Variants in WNK3 observed in about 807,000 individuals in gnomAD.
The protein encoded by WNK3 is WNK lysine deficient protein kinase 3.
A neutral mutation model predicts 116.7 loss-of-function variants in WNK3; 18 were observed. The ratio of observed to expected loss-of-function variants is 0.15; its 90% CI spans 0.11 to 0.23. The LOEUF is 0.23. Ranked by LOEUF, WNK3 falls within the 10% of genes least tolerant of loss-of-function variation. The pLI, the probability that WNK3 is intolerant of heterozygous loss-of-function variation, is 1.00. For missense variants in WNK3, 993 were observed against 1,323.8 expected, an observed-to-expected ratio of 0.75 and a Z score of 3.88; for synonymous variants, 404 against 469.4, an observed-to-expected ratio of 0.86 and a Z score of 1.80.
chrX:54,311,674 G>GTTGTTTTAT (rs2068888856), intron 2 of WNK3, among the ~76,000 whole-genome samples: 1 of 112,097 alleles, frequency 8.9e-6, no homozygotes, highest in Non-Finnish European at 1.9e-5. Context: ...CAATAAAAAT[G>GTTGTTTTAT]TTAAACATCT....
At chrX:54,297,596 G>T (rs1202279699) in intron 7 of WNK3, among the ~76,000 whole-genome samples, 4 of 109,710 alleles carry the variant, frequency 3.6e-5, no homozygotes, top group African/African-American at 1.0e-4. Context: ...AAAAATCTAG[G>T]TAGATATTAC....
intron 1 of WNK3, among the ~76,000 whole-genome samples, chrX:54,345,421 C>T (rs1234545637): frequency 9.1e-6 from 1 of 110,145 alleles, no homozygotes; most frequent in African/African-American, 3.3e-5. Flanking sequence ...AAAACATACT[C>T]GGAATGAACT....
At chrX:54,330,001 A>T (rs781939730) in intron 2 of WNK3, among the ~76,000 whole-genome samples, 1 of 111,920 alleles carries the variant, frequency 8.9e-6, no homozygotes, top group Non-Finnish European at 1.9e-5. Context: ...GCATTTTGGG[A>T]AGCCGAAGTG....
At chrX:54,317,317 G>A (rs781914402) in intron 2 of WNK3, among the ~76,000 whole-genome samples, 1 of 110,204 alleles carries the variant, frequency 9.1e-6, no homozygotes, top group South Asian at 3.9e-4. Context: ...ATGCCACCAT[G>A]CCCAGCTAAT....
At chrX:54,346,605 C>CA (rs57558276) in intron 1 of WNK3, among the ~76,000 whole-genome samples, 5 of 47,389 alleles carry the variant, frequency 1.1e-4, no homozygotes, top group East Asian at 1.2e-3. Flanking sequence ...GACTCTGTCT[C>CA]AAAAAAAAAA....
chrX:54,295,555 T>G (rs1357366254), intron 7 of WNK3, among the ~76,000 whole-genome samples: 1 of 112,266 alleles, frequency 8.9e-6, no homozygotes, highest in African/African-American at 3.2e-5. Context: ...CTTTGTCCTG[T>G]ATGAGCACAC....
At chrX:54,208,215 C>T (rs1557143054) in intron 22 of WNK3, among the ~76,000 whole-genome samples, 1 of 110,433 alleles carries the variant, frequency 9.1e-6, no homozygotes, top group East Asian at 2.8e-4. Context: ...AGCTCCGCCT[C>T]CCGGGTTCAT....
intron 2 of WNK3, among the ~76,000 whole-genome samples, chrX:54,329,247 G>C (rs1218097275): frequency 8.9e-6 from 1 of 111,742 alleles, no homozygotes; most frequent in Non-Finnish European, 1.9e-5. Context: ...GTTCTGACAA[G>C]CTCCCAGGTG....
chrX:54,313,954 G>A (rs1557170187), intron 2 of WNK3, among the ~76,000 whole-genome samples: 2 of 109,501 alleles, frequency 1.8e-5, no homozygotes, highest in Admixed American at 9.9e-5. Context: ...CACTTTGGGA[G>A]GCCAAGGCGG....
chrX:54,226,486 A>G (rs1352293317), intron 22 of WNK3, among the ~76,000 whole-genome samples: 5 of 102,840 alleles, frequency 4.9e-5, no homozygotes, highest in East Asian at 6.0e-4. Flanking sequence ...AAAAAAAAAA[A>G]AAGAAGAAGA....
chrX:54,263,074 G>C (rs1472565219), intron 10 of WNK3, among the ~76,000 whole-genome samples: 1 of 110,812 alleles, frequency 9.0e-6, no homozygotes, highest in Non-Finnish European at 1.9e-5. Flanking sequence ...GGAAGGTGTT[G>C]AGGAGGATCT....
intron 2 of WNK3, among the ~76,000 whole-genome samples, chrX:54,331,381 C>CAT (rs151229462): frequency 0.023 from 2,324 of 102,854 alleles, 24 homozygotes; most frequent in Non-Finnish European, 0.025. Flanking sequence ...TGTGTGTGTG[C>CAT]ATATATATAT....
At chrX:54,269,469 G>T in intron 10 of WNK3, among the ~76,000 whole-genome samples, 1 of 111,518 alleles carries the variant, frequency 9.0e-6, no homozygotes, top group African/African-American at 3.3e-5. Context: ...ATTGCCAGCG[G>T]GAACGTATTT....
intron 10 of WNK3, among the ~76,000 whole-genome samples, chrX:54,276,435 C>A (rs2068449215): frequency 9.0e-6 from 1 of 111,435 alleles, no homozygotes; most frequent in Non-Finnish European, 1.9e-5. Flanking sequence ...TCACTCTCAG[C>A]AATTAATAAT....
chrX:54,358,165 T>C (rs1557179725), upstream of WNK3, among the ~76,000 whole-genome samples: 1 of 110,888 alleles, frequency 9.0e-6, no homozygotes, highest in African/African-American at 3.3e-5. Context: ...AGGTGCCGAG[T>C]GGCCAGCCAA....
chrX:54,302,763 T>A (rs1441281088), intron 5 of WNK3, among the ~76,000 whole-genome samples: 17 of 64,741 alleles, frequency 2.6e-4, no homozygotes, highest in Non-Finnish European at 3.6e-4. Context: ...ATATATTTTT[T>A]TTTTTTTTTT....
At chrX:54,347,087 C>A (rs1463408746) in intron 1 of WNK3, among the ~76,000 whole-genome samples, 5 of 112,071 alleles carry the variant, frequency 4.5e-5, no homozygotes, top group Non-Finnish European at 9.4e-5. Flanking sequence ...GGCCTCAAAC[C>A]TGGAGTCTCT....
chrX:54,213,558 A>AAAAAAAAAAAAAAAAAAC (rs2067644780), intron 22 of WNK3, among the ~76,000 whole-genome samples: 1 of 98,603 alleles, frequency 1.0e-5, no homozygotes, highest in Non-Finnish European at 1.9e-5. Context: ...CGTCTCAAAA[A>AAAAAAAAAAAAAAAAAAC]AAAAAACAAA....
chrX:54,285,361 T>C (rs1557163682), intron 10 of WNK3, among the ~76,000 whole-genome samples: 1 of 111,925 alleles, frequency 8.9e-6, no homozygotes, highest in African/African-American at 3.2e-5. Flanking sequence ...GAGCTGTGTT[T>C]GCACCACTAC....
Sources: allele counts gnomAD v4.1 joint callset (sites outside exome capture counted in the v4.1 genomes callset), GRCh38; gene constraint gnomAD v4.1.1; transcripts MANE v1.5; gene names NCBI Gene and HGNC (gene_info 2026-07-23, HGNC 2026-07-21).